SLC2A6: variants seen among roughly 807,000 people sequenced by gnomAD.
SLC2A6 encodes the protein solute carrier family 2, facilitated glucose transporter member 6.
In SLC2A6, 39 loss-of-function variants were observed where a neutral mutation model predicts 47.8. The ratio of observed to expected loss-of-function variants is 0.82; its 90% CI spans 0.63 to 1.07. The LOEUF (loss-of-function observed/expected upper bound fraction) is 1.07, where lower values mean the gene tolerates loss of function less well. SLC2A6 is among the 50% of genes least tolerant of loss of function. SLC2A6 has a pLI of 0.00. For synonymous variants in SLC2A6, 346 were observed against 324.1 expected (o/e 1.07, Z -0.73); for missense variants, 650 against 707.6 (o/e 0.92, Z 0.92).
Position 133,476,223 on chromosome 9 carries a change from G to C in SLC2A6, c.562+14C>G. On this transcript the variant is annotated intron_variant, in intron 4 of 9. Transcript: ENST00000371899. ...CCCACCAGCCTGCACACAGGAGTGC[G>C]GGGCCATACTTGCCAAGGGCGTAGA... 1.2e-6 allele frequency: 2 copies of C among 1,602,076 alleles called. No homozygotes were observed. The highest frequency in any genetic ancestry group is 1.7e-6 in the Non-Finnish European group (2 of 1,170,666).
intron 9 of SLC2A6, 40 bp from the exon 10 acceptor site, chr9:133,472,216 C>G (rs782371850): frequency 3.1e-6 from 5 of 1,605,436 alleles, no homozygotes; most frequent in Admixed American, 1.7e-5. Flanking sequence ...GGGAGAAGCT[C>G]CAGGGTCCTC....
chr9:133,473,233 C>T lies in SLC2A6; in HGVS notation c.1240G>A (p.Gly414Ser). 3 of 1,587,010 alleles carry T rather than the reference C, an allele frequency of 1.9e-6. No homozygotes were observed. Among genetic ancestry groups the T allele is most frequent in the Non-Finnish European group, 2.6e-6 (3 of 1,167,696 alleles). Residue 414 changes from glycine to serine, a missense_variant, in exon 9 of 10, where the codon GGT (glycine) becomes AGT (serine). Physicochemically the swap from Gly to Ser is moderately conservative, Grantham distance 56. Coordinates refer to ENST00000371899, the MANE Select transcript of SLC2A6 (RefSeq NM_017585.4). ...GACATGAGCAGCCAGGTGATGGGAC[C>T]CCAGCCCACGGCGTAGCCTGCTCGG... The part of the protein sequence containing the change: ...LFIMGYAVGW[G>S]PITWLLMSEV...
chr9:133,475,412 G>C lies in SLC2A6; in HGVS notation c.762C>G (p.Asn254Lys), dbSNP rs115835881. ...CACCCTCCTGCACCTGTCTCCGGAC[G>C]TTGTCCTGGATCTGCTCGAACTCCC... ...VHWEFEQIQD[N>K]VRRQSSRVSW... The change falls in exon 5 of 10, where the codon AAC (asparagine) becomes AAG (lysine). Residue 254 changes from asparagine to lysine, a missense_variant. Physicochemically the swap from Asn to Lys is moderately conservative, Grantham distance 94. Coordinates refer to ENST00000371899, the MANE Select transcript of SLC2A6 (RefSeq NM_017585.4). The C allele has an allele frequency of 6.2e-7, 1 of 1,602,286 alleles. No homozygotes were observed. The highest frequency in any genetic ancestry group is 1.1e-5 in the South Asian group (1 of 90,604).
intron 5 of SLC2A6, 137 bp downstream of exon 5, chr9:133,475,263 A>C: frequency 7.3e-7 from 1 of 1,361,778 alleles, no homozygotes; most frequent in Non-Finnish European, 9.7e-7. Context: ...CTCTGGGAAC[A>C]GCCCCCCACC....
At position 133,473,222 on chromosome 9, in the gene SLC2A6, G is replaced by C. The variant is rs587708154; in HGVS notation, c.1251C>G (p.Thr417=). ...MGYAVGWGPI[T]WLLMSEVLPL... ...GCAGGACCTCAGACATGAGCAGCCAGGTGATGGGACCCCAGCCCACGGCGT... is the reference window on the plus strand; with the variant it reads ...GCAGGACCTCAGACATGAGCAGCCACGTGATGGGACCCCAGCCCACGGCGT... The change falls in exon 9 of 10, where the codon ACC becomes ACG. Residue 417 remains threonine, a synonymous_variant. Coordinates refer to ENST00000371899, the MANE Select transcript of SLC2A6 (RefSeq NM_017585.4). 27 of 1,594,252 alleles carry C rather than the reference G, an allele frequency of 1.7e-5. No individual in the cohort carries two copies. In the South Asian group the frequency reaches 2.5e-4, roughly 15 times the overall value.
chr9:133,476,769 C>G (rs945313874), intron 3 of SLC2A6, among the ~76,000 whole-genome samples: 6 of 152,202 alleles, frequency 3.9e-5, no homozygotes, highest in African/African-American at 1.4e-4. Flanking sequence ...TGCGGATTTT[C>G]TCCAATTGAG....
At position 133,475,078 on chromosome 9, in the gene SLC2A6, T is replaced by G. The variant is rs2073935; in HGVS notation, c.810A>C (p.Pro270=). The G allele has an allele frequency of 0.72, 1,145,177 of 1,593,342 alleles. 415,396 individuals carry two copies. The highest frequency in any genetic ancestry group is 0.92 in the East Asian group (40,381 of 44,132). ...CCACGGTGATGGGCCGGCACACGTG[T>G]GGGGCCCGTGCCTCAGCCCACGATA... The part of the protein sequence containing the change: ...SRVSWAEARA[P]HVCRPITVAL... Residue 270 remains proline, a synonymous_variant, in exon 6 of 10, where the codon CCA becomes CCC. Coordinates refer to ENST00000371899, the MANE Select transcript of SLC2A6 (RefSeq NM_017585.4).
At position 133,473,491 on chromosome 9, in the gene SLC2A6, G is replaced by GT; in HGVS notation, c.1145dup (p.Asp382GlufsTer42). On this transcript the variant is annotated frameshift_variant, in exon 8 of 10. Coordinates refer to ENST00000371899, the MANE Select transcript of SLC2A6 (RefSeq NM_017585.4). LOFTEE classifies it high-confidence loss of function. ...CGGGTGCTGCCAGGGGCTGCGCCAA[G>GT]TCCCCCCAGGACTCGCTTTCCAGGC... 1.2e-6 allele frequency: 2 copies of GT among 1,603,856 alleles called. No individual in the cohort carries two copies. Among genetic ancestry groups the GT allele is most frequent in the Non-Finnish European group, 1.7e-6 (2 of 1,176,776 alleles).
At position 133,478,377 on chromosome 9, in the gene SLC2A6, G is replaced by C. The variant is rs782207942; in HGVS notation, c.132C>G (p.Ala44=). The C allele has an allele frequency of 1.2e-6, 2 of 1,614,146 alleles. No individual in the cohort carries two copies. Among genetic ancestry groups the C allele is most frequent in the South Asian group, 1.1e-5 (1 of 91,090 alleles). ...QNKRVFLATF[A]AVLGNFSFGY... is the part of the protein sequence containing the mutation. ...CAAAGCTGAAATTGCCGAGCACTGCGGCGAAGGTGGCCAGGAACACCCTTT... is the reference window on the plus strand; with the variant it reads ...CAAAGCTGAAATTGCCGAGCACTGCCGCGAAGGTGGCCAGGAACACCCTTT... Residue 44 remains alanine, a synonymous_variant, in exon 2 of 10, where the codon GCC becomes GCG. Coordinates refer to ENST00000371899, the MANE Select transcript of SLC2A6 (RefSeq NM_017585.4).
At position 133,473,219 on chromosome 9, in the gene SLC2A6, C is replaced by T. The variant is rs1843800615; in HGVS notation, c.1254G>A (p.Trp418Ter). ...GGGGCAGGACCTCAGACATGAGCAGCCAGGTGATGGGACCCCAGCCCACGG... is the reference window on the plus strand; with the variant it reads ...GGGGCAGGACCTCAGACATGAGCAGTCAGGTGATGGGACCCCAGCCCACGG... ...GYAVGWGPIT[W>*]LLMSEVLPLR... is the part of the protein sequence containing the mutation. The change falls in exon 9 of 10, where the codon TGG (tryptophan) becomes TGA (stop). Residue 418 changes from tryptophan to a stop codon, truncating the protein, a stop_gained. Transcript: ENST00000371899. LOFTEE classifies it high-confidence loss of function. 6.3e-7 allele frequency: 1 copy of T among 1,595,214 alleles called. No homozygotes were observed. Among genetic ancestry groups the T allele is most frequent in the African/African-American group, 1.3e-5 (1 of 74,640 alleles).
intron 2 of SLC2A6, 68 bp from the exon 3 acceptor site, chr9:133,477,309 G>A: frequency 3.4e-6 from 5 of 1,483,150 alleles, no homozygotes; most frequent in Non-Finnish European, 4.6e-6. Context: ...TCAGAGTCCA[G>A]GGACAGCTTC....
chr9:133,475,623 G>T lies in SLC2A6; in HGVS notation c.563-12C>A. ...CGGCAGCAGGAGGCCTGGGGGCGAG[G>T]GGTGGGTGAGGGGCCAGGTCCAGGC... is the stretch of plus-strand genomic sequence containing the variant. On this transcript the variant is annotated splice_polypyrimidine_tract_variant and intron_variant, in intron 4 of 9. Transcript: ENST00000371899. The T allele has an allele frequency of 6.4e-7, 1 of 1,567,228 alleles. No individual in the cohort carries two copies. Among genetic ancestry groups the T allele is most frequent in the Admixed American group, 1.9e-5 (1 of 52,782 alleles).
intron 2 of SLC2A6, among the ~76,000 whole-genome samples, chr9:133,477,658 TCA>T (rs1395440092): frequency 6.6e-6 from 1 of 152,176 alleles, no homozygotes; most frequent in African/African-American, 2.4e-5. Flanking sequence ...TGTCTGCACC[TCA>T]GTTTCTTCAG....
chr9:133,473,396 G>C lies in SLC2A6; in HGVS notation c.1222+19C>G. On this transcript the variant is annotated intron_variant, in intron 8 of 9. Transcript: ENST00000371899. ...AACACCCAAGACAGCCTGCCCCTCTGAGCCACCACCACACCTACCCATGAT... is the reference window on the plus strand; with the variant it reads ...AACACCCAAGACAGCCTGCCCCTCTCAGCCACCACCACACCTACCCATGAT... 1 of 1,576,218 alleles carries C rather than the reference G, an allele frequency of 6.3e-7. No individual in the cohort carries two copies. Among genetic ancestry groups the C allele is most frequent in the Non-Finnish European group, 8.6e-7 (1 of 1,160,430 alleles).
chr9:133,473,997 A>C lies in SLC2A6; in HGVS notation c.1019T>G (p.Val340Gly), dbSNP rs998730681. 1 of 1,609,490 alleles carries C rather than the reference A, an allele frequency of 6.2e-7. No individual in the cohort carries two copies. The highest frequency in any genetic ancestry group is 1.7e-5 in the Admixed American group (1 of 59,868). ...GTGCTTACCTGAGACGAAGAGCAGC[A>C]CCTTGCGGCCTGCGAGGTCCATGGT... Reference protein sequence around the residue: ...ALTMDLAGRKVLLFVSAAIMF... With the variant: ...ALTMDLAGRKGLLFVSAAIMF... The change falls in exon 7 of 10, where the codon GTG (valine) becomes GGG (glycine). Residue 340 changes from valine to glycine, a missense_variant. Transcript: ENST00000371899.
rs112118484 is a variant in SLC2A6, at chr9:133,473,891, A to C, written c.1036+89T>G. On this transcript the variant is annotated intron_variant, in intron 7 of 9. Coordinates refer to ENST00000371899, the MANE Select transcript of SLC2A6 (RefSeq NM_017585.4). ...GGTGCTCTGCAGTTCCCAGCCACAC[A>C]GCCCCACCCCGAGGCAGGCCTGCAC... 1.0e-3 allele frequency: 1,120 copies of C among 1,067,006 alleles called. 13 individuals are homozygous for C. The African/African-American group carries it at 0.015, about 15-fold the overall frequency. The allele number at this position is 1,067,006 out of a possible 1,614,324, so 66.1% of individuals were successfully genotyped here.
At chr9:133,478,222 G>A (rs782816154) in intron 2 of SLC2A6, 32 bp downstream of exon 2, 1 of 1,611,696 alleles carries the variant, frequency 6.2e-7, no homozygotes, top group East Asian at 2.2e-5. Context: ...CCTCCTTCCT[G>A]CACCCACCCT....
At chr9:133,477,339 G>C in intron 2 of SLC2A6, 98 bp from the exon 3 acceptor site, 1 of 1,231,042 alleles carries the variant, frequency 8.1e-7, no homozygotes. Flanking sequence ...CCGACCCCAG[G>C]AGCTGGTCAA....
intron 4 of SLC2A6, 118 bp from the exon 5 acceptor site, chr9:133,475,729 G>A: frequency 1.1e-6 from 1 of 933,232 alleles, no homozygotes; most frequent in East Asian, 2.7e-5. Context: ...ATCTCCTACA[G>A]GAAGCCTACC....
Sources: allele counts gnomAD v4.1 joint callset (sites outside exome capture counted in the v4.1 genomes callset), GRCh38; gene constraint gnomAD v4.1.1; transcripts MANE v1.5; gene names NCBI Gene and HGNC (gene_info 2026-07-23, HGNC 2026-07-21).